MCC: variants seen among roughly 807,000 people sequenced by gnomAD.
MCC encodes the protein colorectal mutant cancer protein.
A neutral mutation model predicts 116.2 loss-of-function variants in MCC; 90 were observed. The observed-to-expected ratio is 0.77, with a 90% CI of 0.65 to 0.92. The LOEUF is 0.92. Ranked by LOEUF, MCC falls within the 40% of genes least tolerant of loss-of-function variation. The pLI is 0.00. For synonymous variants in MCC, 578 were observed against 510.5 expected (o/e 1.13, Z -1.78); for missense variants, 1,516 against 1,312.2 (o/e 1.16, Z -2.40).
intron 3 of MCC, among the ~76,000 whole-genome samples, chr5:113,197,468 C>G (rs1011589321): frequency 6.6e-6 from 1 of 152,096 alleles, no homozygotes; most frequent in Non-Finnish European, 1.5e-5. Flanking sequence ...CTGGATTGTA[C>G]ATTTGAAGAG....
intron 3 of MCC, 122 bp from the exon 4 acceptor site, chr5:113,151,544 A>G (rs1759877753): frequency 1.6e-6 from 1 of 629,280 alleles, no homozygotes; most frequent in African/African-American, 1.9e-5. Flanking sequence ...ACTTTTGAGA[A>G]TGAAGGTAAG....
intron 3 of MCC, among the ~76,000 whole-genome samples, chr5:113,168,348 T>C (rs1760884172): frequency 6.6e-6 from 1 of 152,210 alleles, no homozygotes; most frequent in African/African-American, 2.4e-5. Context: ...TACTTTCATA[T>C]CCATTCAGAC....
intron 3 of MCC, among the ~76,000 whole-genome samples, chr5:113,179,961 T>C (rs1761527966): frequency 6.6e-6 from 1 of 152,192 alleles, no homozygotes; most frequent in African/African-American, 2.4e-5. Flanking sequence ...ACCTACATCT[T>C]GGTTCTGAAT....
chr5:113,055,624 G>A (rs754915363), intron 14 of MCC, among the ~76,000 whole-genome samples: 8 of 152,320 alleles, frequency 5.3e-5, no homozygotes, highest in South Asian at 2.1e-4. Flanking sequence ...CCATCAGGAC[G>A]GGTGGGAAGT....
chr5:113,202,647 A>C (rs1762733185), intron 3 of MCC, among the ~76,000 whole-genome samples: 1 of 152,068 alleles, frequency 6.6e-6, no homozygotes, highest in Non-Finnish European at 1.5e-5. Flanking sequence ...AACTTAAGTC[A>C]AACAACACAT....
chr5:113,129,398 G>A (rs980181333), intron 5 of MCC, among the ~76,000 whole-genome samples: 3 of 152,194 alleles, frequency 2.0e-5, no homozygotes, highest in Non-Finnish European at 4.4e-5. Context: ...TTCAAGAAAG[G>A]TGTTTCAGTC....
chr5:113,284,052 TG>T (rs2150358285), intron 3 of MCC, among the ~76,000 whole-genome samples: 1 of 152,364 alleles, frequency 6.6e-6, no homozygotes, highest in Admixed American at 6.5e-5. Context: ...ATATAATACA[TG>T]TATCATATAA....
intron 3 of MCC, among the ~76,000 whole-genome samples, chr5:113,303,096 A>G (rs1455331497): frequency 6.6e-6 from 1 of 152,214 alleles, no homozygotes; most frequent in Non-Finnish European, 1.5e-5. Flanking sequence ...TCGCAGAGGA[A>G]ATCAAGTGTT....
At chr5:113,161,140 T>C (rs1760459073) in intron 3 of MCC, among the ~76,000 whole-genome samples, 1 of 152,190 alleles carries the variant, frequency 6.6e-6, no homozygotes, top group African/African-American at 2.4e-5. Flanking sequence ...GAAAATTATG[T>C]GGTTATACAA....
intron 3 of MCC, among the ~76,000 whole-genome samples, chr5:113,285,105 AT>A (rs1766196566): frequency 6.6e-6 from 1 of 152,206 alleles, no homozygotes; most frequent in Admixed American, 6.5e-5. Context: ...TGTCAAAAAA[AT>A]AATTACAGTG....
In MCC at chr5:113,143,303, G is replaced by T. The variant is rs563599843; in HGVS notation, c.799C>A (p.Arg267Ser). 2 of 1,613,738 alleles carry T rather than the reference G, an allele frequency of 1.2e-6. No homozygotes were observed. Among genetic ancestry groups the T allele is most frequent in the Admixed American group, 1.7e-5 (1 of 59,940 alleles). ...AGCTCTGTGATGCGTTCCTCATAGCGAAGTGTCGTTCGCTCCTGGACATCC... is the reference window on the plus strand; with the variant it reads ...AGCTCTGTGATGCGTTCCTCATAGCTAAGTGTCGTTCGCTCCTGGACATCC... ...HEDVQERTTL[R>S]YEERITELHS... Residue 267 changes from arginine to serine, a missense_variant, in exon 5 of 19, where the codon CGC (arginine) becomes AGC (serine). Transcript: ENST00000408903.
chr5:113,368,402 T>C (rs1768754509), intron 2 of MCC, among the ~76,000 whole-genome samples: 1 of 152,210 alleles, frequency 6.6e-6, no homozygotes, highest in Admixed American at 6.6e-5. Context: ...ATTTTGTTGA[T>C]GATGTTTTTC....
chr5:113,030,228 A>G (rs1750860364), intron 17 of MCC, among the ~76,000 whole-genome samples: 1 of 152,204 alleles, frequency 6.6e-6, no homozygotes, highest in Non-Finnish European at 1.5e-5. Context: ...TTTTACAGAG[A>G]TATCAGGAGC....
chr5:113,032,883 G>A (rs1751056622), intron 17 of MCC, among the ~76,000 whole-genome samples: 1 of 152,200 alleles, frequency 6.6e-6, no homozygotes, highest in African/African-American at 2.4e-5. Flanking sequence ...CGCCACAACA[G>A]TTTACAAATG....
chr5:113,256,030 AAAT>A (rs1480021633), intron 3 of MCC, among the ~76,000 whole-genome samples: 1 of 152,244 alleles, frequency 6.6e-6, no homozygotes, highest in Admixed American at 6.5e-5. Flanking sequence ...AGATGAGCCA[AAAT>A]AATATTTGCT....
chr5:113,071,001 C>T, intron 12 of MCC, 93 bp downstream of exon 12: 1 of 1,448,532 alleles, frequency 6.9e-7, no homozygotes, highest in Non-Finnish European at 9.3e-7. Context: ...CCAGATATGC[C>T]TTCTAAAAGC....
At chr5:113,076,534 C>T (rs762972278) in intron 11 of MCC, among the ~76,000 whole-genome samples, 1 of 152,144 alleles carries the variant, frequency 6.6e-6, no homozygotes, top group Non-Finnish European at 1.5e-5. Flanking sequence ...GCATTTTCAA[C>T]CCAGAATTTC....
chr5:113,418,431 G>T (rs571319670), intron 1 of MCC, among the ~76,000 whole-genome samples: 1 of 149,670 alleles, frequency 6.7e-6, no homozygotes, highest in South Asian at 2.1e-4. Context: ...ATATACATAT[G>T]TTTAAATAGA....
At chr5:113,090,347 G>A (rs1189308829) in intron 8 of MCC, among the ~76,000 whole-genome samples, 3 of 124,466 alleles carry the variant, frequency 2.4e-5, no homozygotes, top group African/African-American at 3.9e-5. Context: ...GGCTGACCTA[G>A]GACCAAAAAA....
Sources: gnomAD v4.1 joint callset for allele counts (sites outside exome capture counted in the v4.1 genomes callset) on GRCh38, gnomAD v4.1.1 for gene constraint, MANE v1.5 for transcripts, NCBI Gene and HGNC (gene_info 2026-07-23, HGNC 2026-07-21) for gene names.